The following FNDC3A variants were observed in gnomAD, a reference collection of about 807,000 sequenced individuals.
FNDC3A encodes the protein fibronectin type-III domain-containing protein 3A.
In FNDC3A, 32 loss-of-function variants were observed where a neutral mutation model predicts 148.9. The observed-to-expected ratio is 0.21, with a 90% CI of 0.16 to 0.29. The LOEUF (loss-of-function observed/expected upper bound fraction) is 0.29, where lower values mean the gene tolerates loss of function less well. Among genes scored for constraint, FNDC3A ranks in the 10% least tolerant of loss-of-function variants. FNDC3A has a pLI of 1.00. For synonymous variants in FNDC3A, 472 were observed against 473.6 expected, an observed-to-expected ratio of 1.00 and a Z score of 0.04; for missense variants, 1,191 against 1,452.8, an observed-to-expected ratio of 0.82 and a Z score of 2.93.
chr13:49,063,918 G>A (rs1019007259), intron 2 of FNDC3A, among the ~76,000 whole-genome samples: 1 of 151,854 alleles, frequency 6.6e-6, no homozygotes, highest in Admixed American at 6.6e-5. Flanking sequence ...TTTTTTATTT[G>A]AAAAAAGAGA....
intron 25 of FNDC3A, among the ~76,000 whole-genome samples, chr13:49,205,956 A>T (rs1886624974): frequency 6.6e-6 from 1 of 152,210 alleles, no homozygotes; most frequent in African/African-American, 2.4e-5. Context: ...TTTACATCAC[A>T]GGTACAATTG....
chr13:49,065,118 A>G (rs1877175779), intron 2 of FNDC3A, among the ~76,000 whole-genome samples: 1 of 152,210 alleles, frequency 6.6e-6, no homozygotes, highest in African/African-American at 2.4e-5. Context: ...TCAACTGGGC[A>G]GTCTTTGCAC....
intron 6 of FNDC3A, among the ~76,000 whole-genome samples, chr13:49,137,098 A>G (rs902412162): frequency 2.4e-4 from 37 of 152,200 alleles, no homozygotes; most frequent in African/African-American, 8.9e-4. Context: ...AAGTGCTGCA[A>G]TTATAGGCCT....
intron 3 of FNDC3A, among the ~76,000 whole-genome samples, chr13:49,112,333 G>T (rs1479855614): frequency 6.6e-6 from 1 of 152,148 alleles, no homozygotes; most frequent in East Asian, 1.9e-4. Context: ...ATATAAATTA[G>T]CTAATGGAAG....
chr13:49,024,026 C>G (rs191088551), intron 2 of FNDC3A, among the ~76,000 whole-genome samples: 1 of 151,772 alleles, frequency 6.6e-6, no homozygotes, highest in Non-Finnish European at 1.5e-5. Context: ...ATAAATAAAT[C>G]AAAAATTTAA....
intron 2 of FNDC3A, among the ~76,000 whole-genome samples, chr13:49,064,347 A>T (rs190007485): frequency 6.6e-6 from 1 of 152,072 alleles, no homozygotes; most frequent in Non-Finnish European, 1.5e-5. Flanking sequence ...TCTCAAAAAA[A>T]AAGTAGTCTG....
At chr13:49,043,950 T>G (rs948119800) in intron 2 of FNDC3A, 1 of 152,230 alleles carries the variant, frequency 6.6e-6, no homozygotes, top group Non-Finnish European at 1.5e-5. Flanking sequence ...AATGAAATAC[T>G]GTAAGAATGA....
intron 3 of FNDC3A, among the ~76,000 whole-genome samples, chr13:49,084,003 A>G (rs746119069): frequency 2.6e-5 from 4 of 152,226 alleles, no homozygotes; most frequent in African/African-American, 9.6e-5. Context: ...TAACAAGTCT[A>G]TCTGTGCACA....
chr13:49,062,386 G>A (rs569272224), intron 2 of FNDC3A, among the ~76,000 whole-genome samples: 1 of 152,168 alleles, frequency 6.6e-6, no homozygotes, highest in Non-Finnish European at 1.5e-5. Flanking sequence ...GTTGCCTGAA[G>A]GTTAACAGTT....
chr13:49,196,186 C>T lies in FNDC3A; in HGVS notation c.2227-691C>T, dbSNP rs138202753. ...AGTAACAAGTAGGTTTACTTCTGAC[C>T]ATTATAATGATGCGCCACTGTTAAG... On this transcript the variant is annotated intron_variant, in intron 19 of 25. Coordinates refer to ENST00000492622, the MANE Select transcript of FNDC3A (RefSeq NM_001079673.2). Among the ~76,000 whole-genome samples, 7 of 151,772 alleles carry T rather than the reference C, an allele frequency of 4.6e-5. No individual in the cohort carries two copies. The East Asian group carries it at 1.4e-3, about 29-fold the overall frequency.
At chr13:49,163,033 G>T (rs1884248328) in intron 8 of FNDC3A, among the ~76,000 whole-genome samples, 1 of 152,178 alleles carries the variant, frequency 6.6e-6, no homozygotes, top group Non-Finnish European at 1.5e-5. Flanking sequence ...AGCTGTATGA[G>T]GTGTCAATCA....
chr13:49,097,272 A>T (rs748874633), intron 3 of FNDC3A, among the ~76,000 whole-genome samples: 1 of 151,946 alleles, frequency 6.6e-6, no homozygotes, highest in Non-Finnish European at 1.5e-5. Flanking sequence ...CTGTCTCAGC[A>T]GTTTTTATAT....
intron 1 of FNDC3A, among the ~76,000 whole-genome samples, chr13:48,991,814 A>C (rs767239238): frequency 6.6e-6 from 1 of 152,232 alleles, no homozygotes; most frequent in African/African-American, 2.4e-5. Flanking sequence ...CACCTGGTTA[A>C]AATATGTCAG....
intron 20 of FNDC3A, among the ~76,000 whole-genome samples, 161 bp from the exon 21 acceptor site, chr13:49,197,564 A>T (rs1353771362): frequency 6.6e-6 from 1 of 152,246 alleles, no homozygotes; most frequent in Non-Finnish European, 1.5e-5. Flanking sequence ...AATCTTAATG[A>T]ATAAAAAATG....
chr13:49,032,116 G>A (rs1432771154), intron 2 of FNDC3A, among the ~76,000 whole-genome samples: 2 of 152,070 alleles, frequency 1.3e-5, no homozygotes. Context: ...CATTATAATG[G>A]GTAGAATTAA....
chr13:49,048,789 C>T (rs1875610819), intron 2 of FNDC3A, among the ~76,000 whole-genome samples: 1 of 152,060 alleles, frequency 6.6e-6, no homozygotes, highest in African/African-American at 2.4e-5. Context: ...TCCTCTTCAC[C>T]AATTTGGATG....
intron 4 of FNDC3A, among the ~76,000 whole-genome samples, chr13:49,128,446 A>T (rs1335722731): frequency 1.3e-5 from 2 of 152,122 alleles, no homozygotes; most frequent in Admixed American, 1.3e-4. Flanking sequence ...TCTGTGTTGT[A>T]GGTTATTTAG....
chr13:48,986,589 G>A (rs777521196), intron 1 of FNDC3A, among the ~76,000 whole-genome samples: 1 of 151,710 alleles, frequency 6.6e-6, no homozygotes, highest in Non-Finnish European at 1.5e-5. Context: ...GTGGAAACGG[G>A]GTTTCACCAT....
intron 17 of FNDC3A, among the ~76,000 whole-genome samples, chr13:49,189,575 A>G (rs554032527): frequency 6.6e-6 from 1 of 152,058 alleles, no homozygotes; most frequent in African/African-American, 2.4e-5. Context: ...AATTTAATGC[A>G]ATGAAAGTAT....
Sources: gnomAD v4.1 joint callset for allele counts (sites outside exome capture counted in the v4.1 genomes callset) on GRCh38, gnomAD v4.1.1 for gene constraint, MANE v1.5 for transcripts, NCBI Gene and HGNC (gene_info 2026-07-23, HGNC 2026-07-21) for gene names.